The following KASH5 variants were observed in gnomAD, a reference collection of about 807,000 sequenced individuals.
KASH5 encodes protein KASH5.
Under a neutral mutation model 84.2 loss-of-function variants are expected in KASH5, and 72 were observed. That is an observed-to-expected ratio of 0.85 (90% CI 0.71 to 1.04). The LOEUF (loss-of-function observed/expected upper bound fraction) is 1.04, where lower values mean the gene tolerates loss of function less well. Ranked by LOEUF, KASH5 falls within the 50% of genes least tolerant of loss-of-function variation. The pLI, the probability that KASH5 is intolerant of heterozygous loss-of-function variation, is 0.00. For missense variants in KASH5, 650 were observed against 701.0 expected, an observed-to-expected ratio of 0.93 and a Z score of 0.82; for synonymous variants, 260 against 279.1, an observed-to-expected ratio of 0.93 and a Z score of 0.68.
At position 49,415,339 on chromosome 19, in the gene KASH5, G is replaced by C. The variant is rs1600961584; in HGVS notation, c.1374+343G>C. 7 of 377,712 alleles carry C rather than the reference G, an allele frequency of 1.9e-5. No homozygotes were observed. In the East Asian group the frequency reaches 4.4e-4, roughly 24 times the overall value. 23.4% of individuals were successfully genotyped at this position (377,712 alleles called of 1,614,324 possible). On this transcript the variant is annotated intron_variant, in intron 17 of 19. Coordinates refer to ENST00000447857, the MANE Select transcript of KASH5 (RefSeq NM_144688.5). ...CATGCGCCCACACTCGGGAGAGGTT[G>C]GGCCGGCCCTCCCCAGCCAGCCTCA...
At chr19:49,406,776 G>T (rs1974539536) in intron 9 of KASH5, 110 bp from the exon 10 acceptor site, 1 of 931,050 alleles carries the variant, frequency 1.1e-6, no homozygotes, top group African/African-American at 1.6e-5. Context: ...CATATGAAGT[G>T]CTTAGCATGA....
chr19:49,407,033 G>T (rs1974549042), intron 10 of KASH5, 70 bp downstream of exon 10: 1 of 1,460,286 alleles, frequency 6.8e-7, no homozygotes. Flanking sequence ...TCCGGTTTTA[G>T]TGACTGCAGC....
chr19:49,404,946 G>T (rs1043384148), intron 9 of KASH5, among the ~76,000 whole-genome samples: 1 of 152,140 alleles, frequency 6.6e-6, no homozygotes, highest in Non-Finnish European at 1.5e-5. Flanking sequence ...GAACAAGAGC[G>T]CAATCAGCCT....
intron 9 of KASH5, among the ~76,000 whole-genome samples, chr19:49,403,792 G>A (rs1276891530): frequency 1.3e-5 from 2 of 152,212 alleles, no homozygotes; most frequent in African/African-American, 4.8e-5. Flanking sequence ...CAGGTTGAGT[G>A]CCTTGAGCAG....
intron 7 of KASH5, 62 bp downstream of exon 7, chr19:49,398,205 C>T (rs934972101): frequency 4.2e-6 from 6 of 1,427,422 alleles, no homozygotes; most frequent in East Asian, 2.4e-5. Context: ...CTGCAGCAGC[C>T]GGCCTCTATC....
At chr19:49,407,817 A>T (rs1203225864) in intron 12 of KASH5, 146 bp downstream of exon 12, 1 of 767,106 alleles carries the variant, frequency 1.3e-6, no homozygotes, top group Non-Finnish European at 2.3e-6. Flanking sequence ...GTATGACTGC[A>T]TGTCTCCCCC....
intron 2 of KASH5, chr19:49,391,635 C>T (rs555211770): frequency 2.6e-5 from 4 of 151,368 alleles, no homozygotes; most frequent in East Asian, 3.9e-4. Context: ...AAAGATCTAG[C>T]GTGTACTTTA....
chr19:49,394,211 G>A (rs748428105), intron 2 of KASH5, among the ~76,000 whole-genome samples: 4 of 152,156 alleles, frequency 2.6e-5, no homozygotes, highest in East Asian at 1.9e-4. Context: ...ATCTCAGAGC[G>A]TTCTTCTCTG....
intron 1 of KASH5, among the ~76,000 whole-genome samples, chr19:49,389,191 CCAGT>C (rs1347061728): frequency 1.6e-5 from 2 of 124,856 alleles, no homozygotes; most frequent in Non-Finnish European, 3.2e-5. Context: ...CCCCCAAAAT[CCAGT>C]CAGAGAACCC....
At position 49,399,239 on chromosome 19, in the gene KASH5, G is replaced by T; in HGVS notation, c.747+97G>T. 9.0e-7 allele frequency: 1 copy of T among 1,108,812 alleles called. No homozygotes were observed. The highest frequency in any genetic ancestry group is 1.3e-6 in the Non-Finnish European group (1 of 778,788). 68.7% of individuals were successfully genotyped at this position (1,108,812 alleles called of 1,614,324 possible). A position where few individuals can be genotyped will look rare whatever the true frequency, so the allele number is the denominator to read the frequency against. ...GACTATGGAGTAGGAAGGGGCAGAG[G>T]TCACCTGGCTTTCTCCCTCTCTCCA... On this transcript the variant is annotated intron_variant, in intron 8 of 19. Coordinates refer to ENST00000447857, the MANE Select transcript of KASH5 (RefSeq NM_144688.5). This position sits in a 1 kb window ranked among gnomAD's most constrained non-coding sequence, Gnocchi z 4.4.
At position 49,407,306 on chromosome 19, in the gene KASH5, C is replaced by T. The variant is rs1798485985; in HGVS notation, c.933+10C>T. Reference sequence around the variant, plus strand: ...CACCATCCTCTCTGAGGTAAGGGGCCCCGGGAGGGAAAGAGATTCGCTTTC... The same window carrying T: ...CACCATCCTCTCTGAGGTAAGGGGCTCCGGGAGGGAAAGAGATTCGCTTTC... On this transcript the variant is annotated intron_variant, in intron 11 of 19. Coordinates refer to ENST00000447857, the MANE Select transcript of KASH5 (RefSeq NM_144688.5). 6.2e-7 allele frequency: 1 copy of T among 1,613,530 alleles called. No homozygotes were observed.
At chr19:49,410,747 G>A (rs538518121) in intron 15 of KASH5, among the ~76,000 whole-genome samples, 49 of 152,022 alleles carry the variant, frequency 3.2e-4, no homozygotes, top group African/African-American at 1.2e-3. Context: ...CTCGGCCTCC[G>A]AAAGTGCTGG....
intron 9 of KASH5, among the ~76,000 whole-genome samples, chr19:49,404,433 G>C (rs10426452): frequency 6.6e-6 from 1 of 151,882 alleles, no homozygotes; most frequent in Non-Finnish European, 1.5e-5. Flanking sequence ...TGCCCTCTCC[G>C]GCCTATTGTT....
In KASH5 at chr19:49,414,608, T is replaced by C. The variant is rs1371501190; in HGVS notation, c.1329-343T>C. ...GAGATGAAGAGGCCCCCTTATTCTT[T>C]TAGTGGTTCACAGACCCTTTGGGTA... On this transcript the variant is annotated intron_variant, in intron 16 of 19. Transcript: ENST00000447857. The surrounding 1 kb of genome is among the most constrained non-coding windows in gnomAD (Gnocchi z 4.5). 6.6e-6 allele frequency among the ~76,000 whole-genome samples: 1 copy of C among 151,998 alleles called. No homozygotes were observed. The highest frequency in any genetic ancestry group is 2.4e-5 in the African/African-American group (1 of 41,342).
chr19:49,401,136 T>A (rs1461016860), intron 9 of KASH5, among the ~76,000 whole-genome samples: 1 of 152,194 alleles, frequency 6.6e-6, no homozygotes, highest in Non-Finnish European at 1.5e-5. Flanking sequence ...TTCTTCATCT[T>A]CTGGTGGTGA....
In KASH5 at chr19:49,414,313, T is replaced by C. The variant is rs1165362048; in HGVS notation, c.1329-638T>C. 6.6e-6 allele frequency among the ~76,000 whole-genome samples: 1 copy of C among 152,074 alleles called. No homozygotes were observed. The highest frequency in any genetic ancestry group is 2.4e-5 in the African/African-American group (1 of 41,420). On this transcript the variant is annotated intron_variant, in intron 16 of 19. Transcript: ENST00000447857. This position sits in a 1 kb window ranked among gnomAD's most constrained non-coding sequence, Gnocchi z 4.5. ...TTCCAGTCCTCCTGGAAGAGGGTCT[T>C]GCACCTAAGAGGATTCGGCATGGGG...
At chr19:49,405,395 T>C (rs1340915743) in intron 9 of KASH5, among the ~76,000 whole-genome samples, 1 of 146,746 alleles carries the variant, frequency 6.8e-6, no homozygotes, top group African/African-American at 2.5e-5. Context: ...AGGCGGAGGT[T>C]GCAGTGAGCC....
intron 9 of KASH5, among the ~76,000 whole-genome samples, chr19:49,403,387 G>C (rs551274892): frequency 3.3e-4 from 9 of 27,536 alleles, no homozygotes; most frequent in East Asian, 8.1e-4. Context: ...AAAAAAAAAG[G>C]GGGGGGGCAG....
chr19:49,404,003 G>T (rs528619703), intron 9 of KASH5, among the ~76,000 whole-genome samples: 6 of 152,358 alleles, frequency 3.9e-5, no homozygotes, highest in African/African-American at 1.4e-4. Context: ...AGCTGTCTCA[G>T]GTTACTGCAG....
Sources: gnomAD v4.1 joint callset for allele counts (sites outside exome capture counted in the v4.1 genomes callset) on GRCh38, gnomAD v4.1.1 for gene constraint, Gnocchi (gnomAD v3.1) non-coding constraint, MANE v1.5 for transcripts, NCBI Gene and HGNC (gene_info 2026-07-23, HGNC 2026-07-21) for gene names.